Variants in EPPK1 observed in about 807,000 individuals in gnomAD.
EPPK1 encodes the protein epiplakin.
For synonymous variants in EPPK1, 1,862 were observed against 1,721.2 expected (o/e 1.08, Z -2.03); for missense variants, 3,823 against 3,673.3 (o/e 1.04, Z -1.05).
chr8:143,873,833 G>A (rs1819429837), intron 1 of EPPK1, among the ~76,000 whole-genome samples: 1 of 151,594 alleles, frequency 6.6e-6, no homozygotes, highest in Non-Finnish European at 1.5e-5. Context: ...ACCCCACCTG[G>A]ACCTGTCACT....
At position 143,871,183 on chromosome 8, in the gene EPPK1, A is replaced by T. The variant is rs1554661049; in HGVS notation, c.2071T>A (p.Tyr691Asn). ...LLSAERAVTG[Y>N]TDPYTGQQIS... ...TGCTGCCCGGTGTAGGGGTCAGTGT[A>T]GCCAGTGACAGCGCGCTCAGCCGAC... The change falls in exon 2 of 2, where the codon TAC becomes AAC. Residue 691 changes from tyrosine to asparagine, a missense_variant. By Grantham distance (143) the Tyr-to-Asn change is moderately radical. Transcript: ENST00000615648. 1 of 1,613,070 alleles carries T rather than the reference A, an allele frequency of 6.2e-7. No individual in the cohort carries two copies. Among genetic ancestry groups the T allele is most frequent in the African/African-American group, 1.3e-5 (1 of 74,916 alleles).
Position 143,873,002 on chromosome 8 carries a change from C to T in EPPK1, c.252G>A (p.Leu84=). The part of the protein sequence containing the change: ...LLEAQAATGG[L]VDLARGQLLP... ...GCAGCTGGCCCCGGGCGAGGTCCAC[C>T]AGGCCCCCAGTGGCTGCCTGGGCCT... Residue 84 remains leucine, a synonymous_variant, in exon 2 of 2, where the codon CTG becomes CTA. Coordinates refer to ENST00000615648, the MANE Select transcript of EPPK1 (RefSeq NM_031308.4). The T allele has an allele frequency of 2.5e-6, 4 of 1,579,034 alleles. No individual in the cohort carries two copies. The highest frequency in any genetic ancestry group is 3.4e-6 in the Non-Finnish European group (4 of 1,161,932).
rs954328784 is a variant in EPPK1, at chr8:143,867,446, G to C, written c.5808C>G (p.Ala1936=). Reference sequence around the variant, plus strand: ...TGCAGGGGTCCAGGAGGAACCCGGTGGCGGCCTGCGCCTCCAGCAGCCAAG... The same window carrying C: ...TGCAGGGGTCCAGGAGGAACCCGGTCGCGGCCTGCGCCTCCAGCAGCCAAG... The part of the protein sequence containing the change: ...FATWLLEAQA[A]TGFLLDPCTR... The change falls in exon 2 of 2, where the codon GCC becomes GCG. Residue 1936 remains alanine, a synonymous_variant. Transcript: ENST00000615648. 1 of 1,612,576 alleles carries C rather than the reference G, an allele frequency of 6.2e-7. No homozygotes were observed. The highest frequency in any genetic ancestry group is 8.5e-7 in the Non-Finnish European group (1 of 1,179,864).
Position 143,867,440 on chromosome 8 carries a change from C to T in EPPK1, c.5814G>A (p.Gly1938=), listed in dbSNP as rs782210559. ...TWLLEAQAAT[G]FLLDPCTRQK... ...GGCGGGTGCAGGGGTCCAGGAGGAA[C>T]CCGGTGGCGGCCTGCGCCTCCAGCA... The change falls in exon 2 of 2, where the codon GGG becomes GGA. Residue 1938 remains glycine, a synonymous_variant. Transcript: ENST00000615648. 2 of 1,612,672 alleles carry T rather than the reference C, an allele frequency of 1.2e-6. No individual in the cohort carries two copies. Among genetic ancestry groups the T allele is most frequent in the Admixed American group, 1.7e-5 (1 of 60,018 alleles).
Position 143,868,439 on chromosome 8 carries a change from C to T in EPPK1, c.4815G>A (p.Leu1605=). ...ILRPGTALVL[L]EAQAATGFII... ...TGAAGCCGGTAGCTGCCTGTGCCTC[C>T]AGCAGCACCAGGGCTGTGCCAGGCC... is the stretch of plus-strand genomic sequence containing the variant. Residue 1605 remains leucine, a synonymous_variant, in exon 2 of 2, where the codon CTG becomes CTA. Coordinates refer to ENST00000615648, the MANE Select transcript of EPPK1 (RefSeq NM_031308.4). 1 of 1,612,570 alleles carries T rather than the reference C, an allele frequency of 6.2e-7. No homozygotes were observed. Among genetic ancestry groups the T allele is most frequent in the East Asian group, 2.2e-5 (1 of 44,884 alleles).
In EPPK1 at chr8:143,872,942, C is replaced by T; in HGVS notation, c.312G>A (p.Val104=). ...PVSKALQQGL[V]GLELKEKLLA... Reference sequence around the variant, plus strand: ...GCAGCTTCTCCTTCAGCTCCAGCCCCACCAGACCCTGCTGCAGGGCCTTGG... The same window carrying T: ...GCAGCTTCTCCTTCAGCTCCAGCCCTACCAGACCCTGCTGCAGGGCCTTGG... Residue 104 remains valine, a synonymous_variant, in exon 2 of 2, where the codon GTG becomes GTA. Coordinates refer to ENST00000615648, the MANE Select transcript of EPPK1 (RefSeq NM_031308.4). 1.2e-6 allele frequency: 2 copies of T among 1,610,194 alleles called. No individual in the cohort carries two copies. The highest frequency in any genetic ancestry group is 1.7e-6 in the Non-Finnish European group (2 of 1,178,036).
Position 143,869,051 on chromosome 8 carries a change from C to G in EPPK1, c.4203G>C (p.Lys1401Asn). 6.2e-7 allele frequency: 1 copy of G among 1,609,274 alleles called. No individual in the cohort carries two copies. The highest frequency in any genetic ancestry group is 2.2e-5 in the East Asian group (1 of 44,886). The change falls in exon 2 of 2, where the codon AAG (lysine) becomes AAC (asparagine). Residue 1401 changes from lysine to asparagine, a missense_variant. By Grantham distance (94) the Lys-to-Asn change is moderately conservative (BLOSUM62 0). Transcript: ENST00000615648. Reference sequence around the variant, plus strand: ...CCCGCGCACTGGGGTCAAAGAAGAACTTGTTGTCCTTGTCAACTGCAGTCA... The same window carrying G: ...CCCGCGCACTGGGGTCAAAGAAGAAGTTGTTGTCCTTGTCAACTGCAGTCA... ...QVLTAVDKDN[K>N]FFFDPSARDQ... is the part of the protein sequence containing the mutation.
chr8:143,866,911 AC>A lies in EPPK1; in HGVS notation c.6342del (p.Arg2114SerfsTer13). On this transcript the variant is annotated frameshift_variant, in exon 2 of 2. Transcript: ENST00000615648. LOFTEE classifies it low-confidence loss of function (END_TRUNC). ...CACAGTGTTGGTTTCTGGCCTCTGA[AC>A]CTTCCCACTGTGATTTCCACTTGCT... ...EAEQVEITVG[R>X]FRGQKPTLWA... is the part of the protein sequence containing the mutation. The A allele has an allele frequency of 6.2e-7, 1 of 1,612,798 alleles. No homozygotes were observed. Among genetic ancestry groups the A allele is most frequent in the Non-Finnish European group, 8.5e-7 (1 of 1,179,834 alleles).
chr8:143,867,063 G>A lies in EPPK1; in HGVS notation c.6191C>T (p.Ser2064Leu), dbSNP rs782764819. The change falls in exon 2 of 2, where the codon TCG becomes TTG. Residue 2064 changes from serine to leucine, a missense_variant. Coordinates refer to ENST00000615648, the MANE Select transcript of EPPK1 (RefSeq NM_031308.4). ...FVDPNTQEKV[S>L]YRELQERCRP... ...GCACCTCTCCTGCAGCTCTCGGTAC[G>A]AGACCTTCTCTTGCGTGTTCGGGTC... 1.2e-5 allele frequency: 20 copies of A among 1,612,750 alleles called. No individual in the cohort carries two copies. The highest frequency in any genetic ancestry group is 2.2e-5 in the East Asian group (1 of 44,882).
chr8:143,872,314 T>C lies in EPPK1; in HGVS notation c.940A>G (p.Thr314Ala). The C allele has an allele frequency of 1.2e-6, 2 of 1,602,782 alleles. No individual in the cohort carries two copies. Among genetic ancestry groups the C allele is most frequent in the Non-Finnish European group, 1.7e-6 (2 of 1,174,420 alleles). The change falls in exon 2 of 2, where the codon ACC (threonine) becomes GCC (alanine). Residue 314 changes from threonine (T) to alanine (A), a missense_variant. By Grantham distance (58) the Thr-to-Ala change is moderately conservative. Coordinates refer to ENST00000615648, the MANE Select transcript of EPPK1 (RefSeq NM_031308.4). ...AATEHLLPMG[T>A]ALPLLEAQAA... is the part of the protein sequence containing the mutation. ...TGGGCCTCTAGGAGTGGCAGCGCGG[T>C]GCCCATTGGGAGCAGGTGCTCGGTG...
upstream of EPPK1, among the ~76,000 whole-genome samples, chr8:143,878,662 G>C (rs1304774878): frequency 5.3e-5 from 8 of 151,964 alleles, no homozygotes; most frequent in African/African-American, 1.9e-4. Flanking sequence ...CTCGTCCCCA[G>C]CAGGGAGTCA....
chr8:143,867,341 A>G lies in EPPK1; in HGVS notation c.5913T>C (p.Ala1971=), dbSNP rs781854550. 1.2e-6 allele frequency: 2 copies of G among 1,612,658 alleles called. No homozygotes were observed. The highest frequency in any genetic ancestry group is 1.3e-5 in the African/African-American group (1 of 74,988). ...NEELRERLLK[A]ERAATGYRDP... is the part of the protein sequence containing the mutation. ...CCCTGTAGCCCGTGGCAGCTCTTTCAGCCTTCAGGAGCCTCTCCCGCAGCT... is the reference window on the plus strand; with the variant it reads ...CCCTGTAGCCCGTGGCAGCTCTTTCGGCCTTCAGGAGCCTCTCCCGCAGCT... The change falls in exon 2 of 2, where the codon GCT becomes GCC. Residue 1971 remains alanine (A), a synonymous_variant. Transcript: ENST00000615648.
At position 143,866,871 on chromosome 8, in the gene EPPK1, G is replaced by T; in HGVS notation, c.6383C>A (p.Ser2128Tyr). 6.2e-7 allele frequency: 1 copy of T among 1,613,200 alleles called. No homozygotes were observed. Among genetic ancestry groups the T allele is most frequent in the Non-Finnish European group, 8.5e-7 (1 of 1,179,862 alleles). The change falls in exon 2 of 2, where the codon TCC (serine) becomes TAC (tyrosine). Residue 2128 changes from serine (S) to tyrosine (Y), a missense_variant. By Grantham distance (144) the Ser-to-Tyr change is moderately radical. Coordinates refer to ENST00000615648, the MANE Select transcript of EPPK1 (RefSeq NM_031308.4). The part of the protein sequence containing the change: ...QKPTLWALLN[S>Y]EYVTEEKKLQ... ...CTTCTTCTCCTCTGTCACGTATTCG[G>T]AATTCAGTAGTGCCCACAGTGTTGG... is the stretch of plus-strand genomic sequence containing the variant.
In EPPK1 at chr8:143,870,238, C is replaced by T. The variant is rs1554660685; in HGVS notation, c.3016G>A (p.Gly1006Ser). 6.2e-7 allele frequency: 1 copy of T among 1,604,426 alleles called. No individual in the cohort carries two copies. The highest frequency in any genetic ancestry group is 1.7e-5 in the Admixed American group (1 of 59,064). The change falls in exon 2 of 2, where the codon GGT becomes AGT. Residue 1006 changes from glycine (G) to serine (S), a missense_variant. By Grantham distance (56) the Gly-to-Ser change is moderately conservative. Transcript: ENST00000615648. This position sits in a 1 kb window ranked among gnomAD's most constrained non-coding sequence, Gnocchi z 5.2. ...GGGTCTCTGAAGCCAGCAATGGCACCCTCAGCCCGCTTCAGCCTGCCATAC... is the reference window on the plus strand; with the variant it reads ...GGGTCTCTGAAGCCAGCAATGGCACTCTCAGCCCGCTTCAGCCTGCCATAC... The part of the protein sequence containing the change: ...ELYGRLKRAE[G>S]AIAGFRDPFS...
chr8:143,873,354 G>A, intron 1 of EPPK1, 56 bp from the exon 2 acceptor site: 3 of 1,282,076 alleles, frequency 2.3e-6, no homozygotes, highest in Non-Finnish European at 3.1e-6. Flanking sequence ...TGGGCACGAG[G>A]GAAGATGCGG....
Position 143,866,366 on chromosome 8 carries a change from GATC to G in EPPK1, c.6885_6887del (p.Glu2295_Ile2296delinsAsp), listed in dbSNP as rs1819106106. The G allele has an allele frequency of 5.1e-6, 4 of 784,906 alleles. No individual in the cohort carries two copies. In the African/African-American group the frequency reaches 6.6e-5, roughly 13 times the overall value. 48.6% of individuals were successfully genotyped at this position (784,906 alleles called of 1,614,324 possible). On this transcript the variant is annotated inframe_deletion, in exon 2 of 2. Coordinates refer to ENST00000615648, the MANE Select transcript of EPPK1 (RefSeq NM_031308.4). ...GCTCGGCCGACAGCAGCTTCTCCTGGATCTCGCCGCCCACCACGCCCGCGGCCA... is the reference window on the plus strand; with the variant it reads ...GCTCGGCCGACAGCAGCTTCTCCTGGTCGCCGCCCACCACGCCCGCGGCCA...
chr8:143,866,808 C>T lies in EPPK1; in HGVS notation c.6446G>A (p.Arg2149Gln), dbSNP rs782198653. The change falls in exon 2 of 2, where the codon CGG (arginine) becomes CAG (glutamine). Residue 2149 changes from arginine to glutamine, a missense_variant. Physicochemically the swap from Arg to Gln is conservative, Grantham distance 43 (BLOSUM62 1). Coordinates refer to ENST00000615648, the MANE Select transcript of EPPK1 (RefSeq NM_031308.4). ...LVRMYRTHTR[R>Q]ALQTVAQLIL... ...GAGCTGCGCTACCGTCTGCAGTGCC[C>T]GTCTGGTGTGTGTTCTATACATCCT... is the stretch of plus-strand genomic sequence containing the variant. 58 of 1,613,330 alleles carry T rather than the reference C, an allele frequency of 3.6e-5. No individual in the cohort carries two copies. Among genetic ancestry groups the T allele is most frequent in the Admixed American group, 1.0e-4 (6 of 60,018 alleles).
At position 143,870,247 on chromosome 8, in the gene EPPK1, G is replaced by A. The variant is rs28438795; in HGVS notation, c.3007C>T (p.Arg1003Trp). 21 of 1,600,714 alleles carry A rather than the reference G, an allele frequency of 1.3e-5. No individual in the cohort carries two copies. The highest frequency in any genetic ancestry group is 6.7e-5 in the African/African-American group (5 of 74,580). ...VGPELYGRLK[R>W]AEGAIAGFRD... ...AAGCCAGCAATGGCACCCTCAGCCC[G>A]CTTCAGCCTGCCATACAGCTCCGGC... is the stretch of plus-strand genomic sequence containing the variant. Residue 1003 changes from arginine (R) to tryptophan (W), a missense_variant, in exon 2 of 2, where the codon CGG (arginine) becomes TGG (tryptophan). Transcript: ENST00000615648. The surrounding 1 kb of genome is among the most constrained non-coding windows in gnomAD (Gnocchi z 5.2).
chr8:143,872,837 C>T lies in EPPK1; in HGVS notation c.417G>A (p.Lys139=), dbSNP rs1819401329. The part of the protein sequence containing the change: ...EKLALFQAIG[K]EVVDRALGQS... ...GCCCCAGGGCCCTGTCCACAACCTC[C>T]TTCCCGATGGCCTGAAAGAGGGCCA... Residue 139 remains lysine, a synonymous_variant, in exon 2 of 2, where the codon AAG becomes AAA. Coordinates refer to ENST00000615648, the MANE Select transcript of EPPK1 (RefSeq NM_031308.4). The T allele has an allele frequency of 1.3e-6, 2 of 1,562,676 alleles. No individual in the cohort carries two copies. Among genetic ancestry groups the T allele is most frequent in the African/African-American group, 1.4e-5 (1 of 73,602 alleles).
Sources: gnomAD v4.1 joint callset for allele counts (sites outside exome capture counted in the v4.1 genomes callset) on GRCh38, gnomAD v4.1.1 for gene constraint, Gnocchi (gnomAD v3.1) non-coding constraint, MANE v1.5 for transcripts, NCBI Gene and HGNC (gene_info 2026-07-23, HGNC 2026-07-21) for gene names.